The following PTPN4 variants were observed in gnomAD, a reference collection of about 807,000 sequenced individuals.
PTPN4 encodes the protein protein tyrosine phosphatase non-receptor type 4, also known as tyrosine-protein phosphatase non-receptor type 4.
In PTPN4, 49 loss-of-function variants were observed where a neutral mutation model predicts 135.5. That is an observed-to-expected ratio of 0.36 (90% CI 0.29 to 0.46). PTPN4 has a LOEUF of 0.46. PTPN4 is among the 20% of genes least tolerant of loss of function. PTPN4 has a pLI of 1.00. For missense variants in PTPN4, 860 were observed against 1,101.0 expected, an observed-to-expected ratio of 0.78 and a Z score of 3.10; for synonymous variants, 333 against 369.9, an observed-to-expected ratio of 0.90 and a Z score of 1.14.
chr2:119,934,636 C>G lies in PTPN4; in HGVS notation c.1197-164C>G, dbSNP rs906216462. ...ACTCAGATCACTGACTTCCCATTCTCTGTTCCCTCTGTTTATATCACACTG... is the reference window on the plus strand; with the variant it reads ...ACTCAGATCACTGACTTCCCATTCTGTGTTCCCTCTGTTTATATCACACTG... On this transcript the variant is annotated intron_variant, in intron 14 of 26. Transcript: ENST00000263708. 1.2e-3 allele frequency among the ~76,000 whole-genome samples: 183 copies of G among 152,288 alleles called. 2 individuals carry two copies. Among genetic ancestry groups the G allele is most frequent in the African/African-American group, 4.1e-3 (170 of 41,572 alleles).
intron 1 of PTPN4, among the ~76,000 whole-genome samples, chr2:119,766,449 C>CGTGTGTGTGT (rs745803520): frequency 1.1e-4 from 14 of 130,996 alleles, no homozygotes; most frequent in African/African-American, 4.1e-4. Flanking sequence ...CATGTGCGCG[C>CGTGTGTGTGT]GTGTGTGTGT....
At chr2:119,841,517 G>A (rs956796953) in intron 2 of PTPN4, among the ~76,000 whole-genome samples, 27 of 152,242 alleles carry the variant, frequency 1.8e-4, no homozygotes, top group African/African-American at 6.0e-4. Context: ...TTGAATGCAT[G>A]TGTTTTTCTG....
intron 12 of PTPN4, 29 bp downstream of exon 12, chr2:119,920,270 A>C: frequency 1.3e-6 from 2 of 1,548,832 alleles, no homozygotes; most frequent in South Asian, 1.2e-5. Flanking sequence ...TTAAGGCTTT[A>C]TTGTTGGATT....
At chr2:119,762,712 A>G (rs998082510) in intron 1 of PTPN4, among the ~76,000 whole-genome samples, 6 of 152,144 alleles carry the variant, frequency 3.9e-5, no homozygotes, top group African/African-American at 1.4e-4. Flanking sequence ...CTAAATTCTT[A>G]GTTAGAATGC....
At chr2:119,827,201 A>G (rs1677158972) in intron 2 of PTPN4, among the ~76,000 whole-genome samples, 1 of 152,180 alleles carries the variant, frequency 6.6e-6, no homozygotes, top group East Asian at 1.9e-4. Flanking sequence ...TGAAGATACT[A>G]ATCACACAAT....
intron 11 of PTPN4, among the ~76,000 whole-genome samples, chr2:119,919,317 C>G (rs1678703561): frequency 1.3e-5 from 2 of 152,100 alleles, no homozygotes; most frequent in African/African-American, 4.8e-5. Context: ...TAATAGTGTT[C>G]AGAGCTGCTG....
chr2:119,853,964 C>T (rs1334073003), intron 2 of PTPN4, among the ~76,000 whole-genome samples: 1 of 152,080 alleles, frequency 6.6e-6, no homozygotes. Context: ...AAAAGGCTCC[C>T]CCATAGAGAG....
chr2:119,810,420 T>C (rs976181499), intron 2 of PTPN4, among the ~76,000 whole-genome samples: 7 of 152,236 alleles, frequency 4.6e-5, no homozygotes, highest in Non-Finnish European at 1.0e-4. Flanking sequence ...TAACAAATAT[T>C]TGTTCATCCT....
chr2:119,832,490 T>TC (rs887389884), intron 2 of PTPN4, among the ~76,000 whole-genome samples: 1 of 152,066 alleles, frequency 6.6e-6, no homozygotes, highest in African/African-American at 2.4e-5. Flanking sequence ...AGAAAGTTTC[T>TC]CCTATTTTGA....
At chr2:119,924,912 G>T (rs1412245296) in intron 12 of PTPN4, among the ~76,000 whole-genome samples, 1 of 152,030 alleles carries the variant, frequency 6.6e-6, no homozygotes, top group Non-Finnish European at 1.5e-5. Context: ...TGGAAATGCT[G>T]GGAAAACAAA....
chr2:119,930,666 G>A (rs1348386125), intron 13 of PTPN4, among the ~76,000 whole-genome samples: 3 of 152,126 alleles, frequency 2.0e-5, no homozygotes, highest in South Asian at 2.1e-4. Flanking sequence ...GTGTTAGTCC[G>A]ACATTTCTTT....
chr2:119,919,439 G>A (rs771692494), intron 11 of PTPN4, among the ~76,000 whole-genome samples: 1 of 152,130 alleles, frequency 6.6e-6, no homozygotes, highest in Non-Finnish European at 1.5e-5. Context: ...TTTTGAAACA[G>A]AGTCATAGCT....
chr2:119,835,004 A>G (rs6542550), intron 2 of PTPN4, among the ~76,000 whole-genome samples: 44,622 of 152,006 alleles, frequency 0.29, 6,760 homozygotes, highest in African/African-American at 0.36. Context: ...AGCATTTTTC[A>G]TTTTCAACGA....
chr2:119,794,343 A>G (rs1415595430), intron 1 of PTPN4, among the ~76,000 whole-genome samples: 1 of 152,148 alleles, frequency 6.6e-6, no homozygotes, highest in Admixed American at 6.5e-5. Context: ...TTGGCATGGC[A>G]GGCTGTACTT....
intron 1 of PTPN4, among the ~76,000 whole-genome samples, chr2:119,776,389 T>A (rs1001952667): frequency 2.6e-5 from 4 of 152,168 alleles, no homozygotes; most frequent in African/African-American, 9.7e-5. Flanking sequence ...TTAGCCAGGA[T>A]GGTCTCAATC....
intron 10 of PTPN4, among the ~76,000 whole-genome samples, chr2:119,908,068 T>C (rs1678515132): frequency 6.6e-6 from 1 of 152,086 alleles, no homozygotes; most frequent in Non-Finnish European, 1.5e-5. Flanking sequence ...TCTTTAAAAG[T>C]ACAGGCAACA....
At chr2:119,829,346 T>G (rs1316091888) in intron 2 of PTPN4, among the ~76,000 whole-genome samples, 1 of 152,344 alleles carries the variant, frequency 6.6e-6, no homozygotes, top group East Asian at 1.9e-4. Context: ...ATAACGAAAT[T>G]TACCACTTTA....
chr2:119,816,952 C>T (rs1321056815), intron 2 of PTPN4, among the ~76,000 whole-genome samples: 1 of 152,198 alleles, frequency 6.6e-6, no homozygotes, highest in African/African-American at 2.4e-5. Context: ...AAAGTTGATT[C>T]ACCTGGTTTA....
chr2:119,768,899 G>A (rs1463450282), intron 1 of PTPN4, among the ~76,000 whole-genome samples: 3 of 152,220 alleles, frequency 2.0e-5, no homozygotes, highest in Non-Finnish European at 4.4e-5. Context: ...TGTGTCTTTA[G>A]GCATGTTACT....
Sources: allele counts gnomAD v4.1 joint callset (sites outside exome capture counted in the v4.1 genomes callset), GRCh38; gene constraint gnomAD v4.1.1; transcripts MANE v1.5; gene names NCBI Gene and HGNC (gene_info 2026-07-23, HGNC 2026-07-21).